The following CNTN4 variants were observed in gnomAD, a reference collection of about 807,000 sequenced individuals.
CNTN4 encodes the protein contactin 4, also known as contactin-4.
A neutral mutation model predicts 122.5 loss-of-function variants in CNTN4; 77 were observed. The observed-to-expected ratio is 0.63, with a 90% CI of 0.52 to 0.76. The LOEUF (loss-of-function observed/expected upper bound fraction) is 0.76, where lower values mean the gene tolerates loss of function less well. Ranked by LOEUF, CNTN4 falls within the 30% of genes least tolerant of loss-of-function variation. The pLI is 0.00. For synonymous variants in CNTN4, 512 were observed against 447.0 expected (o/e 1.15, Z -1.83); for missense variants, 1,256 against 1,259.1 (o/e 1.00, Z 0.04).
chr3:2,835,851 T>C (rs2150429547), intron 7 of CNTN4, among the ~76,000 whole-genome samples: 1 of 152,058 alleles, frequency 6.6e-6, no homozygotes, highest in African/African-American at 2.4e-5. Flanking sequence ...CCTCATGCAA[T>C]TCAAAGGAAC....
chr3:2,772,051 G>A (rs190626942), intron 6 of CNTN4, among the ~76,000 whole-genome samples: 13,885 of 151,932 alleles, frequency 0.091, 734 homozygotes, highest in African/African-American at 0.15. Flanking sequence ...GCTACAAGGG[G>A]AGAGAGAGAG....
intron 3 of CNTN4, among the ~76,000 whole-genome samples, chr3:2,529,627 A>G (rs1049519809): frequency 2.0e-5 from 3 of 152,178 alleles, no homozygotes; most frequent in African/African-American, 7.2e-5. Flanking sequence ...AATCAACATG[A>G]GAGGAGACAT....
At chr3:2,932,203 C>CCG (rs1196835196) in intron 13 of CNTN4, among the ~76,000 whole-genome samples, 7 of 151,948 alleles carry the variant, frequency 4.6e-5, no homozygotes, top group Admixed American at 6.6e-5. Context: ...CGGTGAAACC[C>CCG]TCTCTTTACT....
At chr3:2,250,698 T>C (rs1343251851) in intron 2 of CNTN4, among the ~76,000 whole-genome samples, 2 of 151,944 alleles carry the variant, frequency 1.3e-5, no homozygotes, top group Non-Finnish European at 2.9e-5. Flanking sequence ...ACTATTTGCA[T>C]GTTCATTTGG....
intron 11 of CNTN4, among the ~76,000 whole-genome samples, chr3:2,901,881 T>G (rs572073506): frequency 6.6e-6 from 1 of 152,310 alleles, no homozygotes; most frequent in Admixed American, 6.5e-5. Flanking sequence ...GGTGTCTCAC[T>G]GTCTGGATGC....
chr3:2,143,049 AT>A (rs2035076393), intron 2 of CNTN4, among the ~76,000 whole-genome samples: 1 of 151,964 alleles, frequency 6.6e-6, no homozygotes, highest in Admixed American at 6.6e-5. Context: ...TACGTAAGCG[AT>A]TTTTCTCAAG....
chr3:2,154,100 A>G (rs2035610152), intron 2 of CNTN4, among the ~76,000 whole-genome samples: 1 of 152,054 alleles, frequency 6.6e-6, no homozygotes, highest in Non-Finnish European at 1.5e-5. Context: ...AATGGATATG[A>G]CTGGCCAGGC....
At chr3:2,130,107 A>G (rs2034380427) in intron 2 of CNTN4, among the ~76,000 whole-genome samples, 1 of 152,176 alleles carries the variant, frequency 6.6e-6, no homozygotes, top group Non-Finnish European at 1.5e-5. Context: ...GGCTTTGTCC[A>G]TATGTTATTC....
chr3:2,746,573 A>G (rs2089779892), intron 6 of CNTN4, among the ~76,000 whole-genome samples: 1 of 152,224 alleles, frequency 6.6e-6, no homozygotes, highest in Non-Finnish European at 1.5e-5. Context: ...TGAAATCCCA[A>G]CTCATATAGC....
At chr3:2,154,399 G>C (rs527889535) in intron 2 of CNTN4, among the ~76,000 whole-genome samples, 1 of 151,386 alleles carries the variant, frequency 6.6e-6, no homozygotes, top group Non-Finnish European at 1.5e-5. Context: ...AAAAATAAAA[G>C]TGGATATGGT....
chr3:2,280,718 C>T (rs1264907731), intron 2 of CNTN4, among the ~76,000 whole-genome samples: 2 of 152,192 alleles, frequency 1.3e-5, no homozygotes, highest in African/African-American at 2.4e-5. Flanking sequence ...TTGCCTGCTT[C>T]CTTTGTCAGC....
intron 4 of CNTN4, among the ~76,000 whole-genome samples, chr3:2,668,029 G>A (rs1045931307): frequency 7.2e-5 from 11 of 152,220 alleles, no homozygotes; most frequent in Middle Eastern, 6.8e-3. Flanking sequence ...GTAACATGAT[G>A]CCTCCAGCTT....
intron 23 of CNTN4, among the ~76,000 whole-genome samples, chr3:3,047,081 C>G (rs1185422770): frequency 1.3e-5 from 2 of 151,264 alleles, no homozygotes; most frequent in Non-Finnish European, 2.9e-5. Flanking sequence ...AGCTAACTAT[C>G]CTAAAAATAT....
At chr3:2,832,305 G>T (rs781085927) in intron 7 of CNTN4, among the ~76,000 whole-genome samples, 4 of 152,214 alleles carry the variant, frequency 2.6e-5, no homozygotes, top group African/African-American at 4.8e-5. Flanking sequence ...AGACAGGGCA[G>T]ATATAGGAGT....
chr3:2,408,393 G>A (rs748758743), intron 3 of CNTN4, among the ~76,000 whole-genome samples: 26 of 152,064 alleles, frequency 1.7e-4, no homozygotes, highest in Non-Finnish European at 3.7e-4. Flanking sequence ...TTAAATATTA[G>A]GAAAATGTAC....
chr3:2,482,846 G>T (rs1353843364), intron 3 of CNTN4, among the ~76,000 whole-genome samples: 1 of 152,188 alleles, frequency 6.6e-6, no homozygotes, highest in African/African-American at 2.4e-5. Flanking sequence ...GGAAATGCCT[G>T]GATGTTCAGG....
Position 3,039,740 on chromosome 3 carries a change from G to A in CNTN4, c.2164-297G>A, listed in dbSNP as rs138880924. Reference sequence around the variant, plus strand: ...TGGAAATGTGGTTTTTCAGGAGACCGATGTCCAGTGTTTTTTTTTTTACAA... The same window carrying A: ...TGGAAATGTGGTTTTTCAGGAGACCAATGTCCAGTGTTTTTTTTTTTACAA... On this transcript the variant is annotated intron_variant, in intron 19 of 24. Coordinates refer to ENST00000418658, the MANE Select transcript of CNTN4 (RefSeq NM_175607.3). 2.4e-4 allele frequency: 95 copies of A among 391,560 alleles called. 2 individuals carry two copies. The East Asian group carries it at 4.6e-3, about 19-fold the overall frequency. 24.3% of individuals were successfully genotyped at this position (391,560 alleles called of 1,614,324 possible).
intron 3 of CNTN4, among the ~76,000 whole-genome samples, chr3:2,494,015 ATTGT>A (rs1559605356): frequency 6.6e-6 from 1 of 151,696 alleles, no homozygotes; most frequent in Non-Finnish European, 1.5e-5. Context: ...CCAGTCCTGG[ATTGT>A]TTATTAGGAT....
intron 3 of CNTN4, among the ~76,000 whole-genome samples, chr3:2,461,870 C>A (rs1055205437): frequency 1.3e-5 from 2 of 152,172 alleles, no homozygotes; most frequent in Non-Finnish European, 2.9e-5. Flanking sequence ...CACACAGCTG[C>A]CAAGCTAAGC....
Sources: allele counts gnomAD v4.1 joint callset (sites outside exome capture counted in the v4.1 genomes callset), GRCh38; gene constraint gnomAD v4.1.1; transcripts MANE v1.5; gene names NCBI Gene and HGNC (gene_info 2026-07-23, HGNC 2026-07-21).